CNGB3: variants seen among roughly 807,000 people sequenced by gnomAD.
The protein encoded by CNGB3 is cyclic nucleotide-gated channel beta-3.
A neutral mutation model predicts 92.8 loss-of-function variants in CNGB3; 86 were observed. The ratio of observed to expected loss-of-function variants is 0.93; its 90% confidence interval spans 0.78 to 1.11. The LOEUF is 1.11. CNGB3 is among the 50% of genes least tolerant of loss of function. The pLI is 0.00. For synonymous variants in CNGB3, 333 were observed against 332.7 expected, an observed-to-expected ratio of 1.00 and a Z score of -0.01; for missense variants, 1,026 against 956.8, an observed-to-expected ratio of 1.07 and a Z score of -0.95.
chr8:86,654,664 G>A (rs528343604), intron 6 of CNGB3, among the ~76,000 whole-genome samples: 1 of 152,220 alleles, frequency 6.6e-6, no homozygotes, highest in South Asian at 2.1e-4. Flanking sequence ...TAAAACCTCT[G>A]AAGCATTAAA....
At chr8:86,666,322 T>G (rs1332278534) in intron 6 of CNGB3, among the ~76,000 whole-genome samples, 1 of 152,180 alleles carries the variant, frequency 6.6e-6, no homozygotes, top group South Asian at 2.1e-4. Flanking sequence ...GTTTCAACAT[T>G]TCAGACTTGG....
chr8:86,699,423 G>T (rs1309790509), intron 3 of CNGB3, among the ~76,000 whole-genome samples: 1 of 152,196 alleles, frequency 6.6e-6, no homozygotes, highest in Non-Finnish European at 1.5e-5. Context: ...GATTGCTTGA[G>T]GTGAGGAGTT....
At chr8:86,600,194 G>T (rs1822261922) in intron 15 of CNGB3, among the ~76,000 whole-genome samples, 1 of 152,216 alleles carries the variant, frequency 6.6e-6, no homozygotes, top group Non-Finnish European at 1.5e-5. Context: ...CAGATCCAAA[G>T]GATGCACTGG....
At chr8:86,607,386 G>A (rs1411089372) in intron 14 of CNGB3, among the ~76,000 whole-genome samples, 1 of 152,112 alleles carries the variant, frequency 6.6e-6, no homozygotes, top group Non-Finnish European at 1.5e-5. Flanking sequence ...GAAAAAACAA[G>A]AGCTTCATGT....
intron 6 of CNGB3, among the ~76,000 whole-genome samples, chr8:86,654,533 G>A (rs1028424426): frequency 9.2e-5 from 14 of 151,992 alleles, no homozygotes; most frequent in Admixed American, 7.9e-4. Context: ...TCCATTAAAC[G>A]GTAATCTATC....
chr8:86,673,070 C>A (rs1193717352), intron 3 of CNGB3, among the ~76,000 whole-genome samples: 1 of 152,182 alleles, frequency 6.6e-6, no homozygotes, highest in African/African-American at 2.4e-5. Context: ...TTTATTCATC[C>A]ATCAAGCAGT....
At chr8:86,597,901 A>G (rs1322227458) in intron 15 of CNGB3, among the ~76,000 whole-genome samples, 1 of 152,068 alleles carries the variant, frequency 6.6e-6, no homozygotes, top group African/African-American at 2.4e-5. Context: ...TCACTTGAAC[A>G]TGGGAAGTGG....
chr8:86,598,134 A>C (rs773401662), intron 15 of CNGB3, among the ~76,000 whole-genome samples: 2 of 152,214 alleles, frequency 1.3e-5, no homozygotes, highest in Non-Finnish European at 2.9e-5. Context: ...TATCCCTAAA[A>C]ATGGCATGAA....
At position 86,694,378 on chromosome 8, in the gene CNGB3, G is replaced by A. The variant is rs556043568; in HGVS notation, c.339-23280C>T. Among the ~76,000 whole-genome samples the A allele has an allele frequency of 1.3e-4, 20 of 151,226 alleles. No homozygotes were observed. The South Asian group carries it at 1.5e-3, about 11-fold the overall frequency. On this transcript the variant is annotated intron_variant, in intron 3 of 17. Transcript: ENST00000320005. ...TGACCCCCCCACTTCCCTCCCGGACGGGGTGGCTGGCCTGGCGGGGGCTGA... is the reference window on the plus strand; with the variant it reads ...TGACCCCCCCACTTCCCTCCCGGACAGGGTGGCTGGCCTGGCGGGGGCTGA...
At chr8:86,743,444 T>C in intron 1 of CNGB3, 55 bp downstream of exon 1, 3 of 1,605,808 alleles carry the variant, frequency 1.9e-6, no homozygotes, top group Non-Finnish European at 2.6e-6. Flanking sequence ...TAAATGCTAT[T>C]ACCAGATAAG....
rs538699166 is a variant in CNGB3 at position 86,706,647 on chromosome 8, C to A, written c.338+19884G>T. Among the ~76,000 whole-genome samples the A allele has an allele frequency of 1.0e-3, 159 of 152,310 alleles. 3 individuals are homozygous for A. In the South Asian group the frequency reaches 0.031, roughly 30 times the overall value. On this transcript the variant is annotated intron_variant, in intron 3 of 17. Transcript: ENST00000320005. ...GGACTGATGCCCTCTGAAGTCCAGACTTAAACCATTGTTTTCCTTTCATTT... is the reference window on the plus strand; with the variant it reads ...GGACTGATGCCCTCTGAAGTCCAGAATTAAACCATTGTTTTCCTTTCATTT...
intron 1 of CNGB3, among the ~76,000 whole-genome samples, chr8:86,742,984 A>G (rs1825368273): frequency 6.6e-6 from 1 of 152,196 alleles, no homozygotes; most frequent in Admixed American, 6.5e-5. Context: ...GTTGAGCAGC[A>G]TCTGCAGACT....
Position 86,635,861 on chromosome 8 carries a change from T to TATACAC in CNGB3, c.1179-2974_1179-2969dup, listed in dbSNP as rs1554611018. Among the ~76,000 whole-genome samples, 189 of 66,218 alleles carry TATACAC rather than the reference T, an allele frequency of 2.9e-3. 1 individual carries two copies. The highest frequency in any genetic ancestry group is 8.5e-3 in the South Asian group (16 of 1,884). The allele number at this position is 66,218 out of a possible 152,430, so 43.4% of individuals were successfully genotyped here. Reference sequence around the variant, plus strand: ...ATATATATATATATATATATATATATATACACATACACATATACTTAGGCA... The same window carrying TATACAC: ...ATATATATATATATATATATATATATATACACATACACATACACATATACTTAGGCA... On this transcript the variant is annotated intron_variant, in intron 10 of 17. Coordinates refer to ENST00000320005, the MANE Select transcript of CNGB3 (RefSeq NM_019098.5).
intron 3 of CNGB3, among the ~76,000 whole-genome samples, chr8:86,672,774 T>G (rs1170321265): frequency 2.6e-5 from 4 of 152,190 alleles, no homozygotes; most frequent in African/African-American, 9.6e-5. Flanking sequence ...CTACCCATGT[T>G]TTTCTCTCTT....
intron 10 of CNGB3, among the ~76,000 whole-genome samples, chr8:86,642,653 G>A: frequency 6.6e-6 from 1 of 151,530 alleles, no homozygotes; most frequent in East Asian, 1.9e-4. Flanking sequence ...CTTATTATAT[G>A]TTCAATGTCA....
At chr8:86,617,304 A>G (rs527818852) in intron 13 of CNGB3, among the ~76,000 whole-genome samples, 78 of 152,342 alleles carry the variant, frequency 5.1e-4, no homozygotes, top group African/African-American at 1.7e-3. Context: ...TCTTTGAAAC[A>G]GAACTTAAGA....
intron 14 of CNGB3, among the ~76,000 whole-genome samples, chr8:86,610,364 A>T (rs1159734653): frequency 6.6e-6 from 1 of 152,136 alleles, no homozygotes; most frequent in Non-Finnish European, 1.5e-5. Context: ...CATTTACCTT[A>T]TTATAGTTCT....
chr8:86,684,069 G>C (rs1309633363), intron 3 of CNGB3, among the ~76,000 whole-genome samples: 2 of 152,122 alleles, frequency 1.3e-5, no homozygotes, highest in Admixed American at 1.3e-4. Context: ...AAGCTGCAGA[G>C]TGGGAGAAAA....
chr8:86,611,001 A>G (rs78369004), intron 14 of CNGB3, among the ~76,000 whole-genome samples: 6,191 of 152,284 alleles, frequency 0.041, 408 homozygotes, highest in African/African-American at 0.14. Context: ...GTATGATGCC[A>G]CTTTTATAGC....
Sources: gnomAD v4.1 joint callset for allele counts (sites outside exome capture counted in the v4.1 genomes callset) on GRCh38, gnomAD v4.1.1 for gene constraint, MANE v1.5 for transcripts, NCBI Gene and HGNC (gene_info 2026-07-23, HGNC 2026-07-21) for gene names.